ATRX: variants seen among roughly 807,000 people sequenced by gnomAD.
The protein encoded by ATRX is chromatin remodeler ATRX.
ATRX carries 12 observed loss-of-function variants against 172.6 expected under a neutral mutation model. The ratio of observed to expected loss-of-function variants is 0.07; its 90% CI spans 0.04 to 0.11. ATRX has a LOEUF of 0.11. Ranked by LOEUF, ATRX falls within the 10% of genes least tolerant of loss-of-function variation. The pLI, the probability that ATRX is intolerant of heterozygous loss-of-function variation, is 1.00. For synonymous variants in ATRX, 674 were observed against 594.7 expected, an observed-to-expected ratio of 1.13 and a Z score of -1.94; for missense variants, 1,368 against 1,767.4, an observed-to-expected ratio of 0.77 and a Z score of 4.05.
intron 22 of ATRX, among the ~76,000 whole-genome samples, chrX:77,612,742 T>C (rs1308489473): frequency 9.0e-6 from 1 of 111,346 alleles, no homozygotes; most frequent in Non-Finnish European, 1.9e-5. Flanking sequence ...CCATTAACAG[T>C]AACTTCCCAT....
At chrX:77,643,311 C>T (rs2148397938) in intron 15 of ATRX, among the ~76,000 whole-genome samples, 1 of 110,525 alleles carries the variant, frequency 9.0e-6, no homozygotes, top group African/African-American at 3.3e-5. Context: ...GACTACAGGC[C>T]TGGGGCAAGG....
intron 28 of ATRX, among the ~76,000 whole-genome samples, chrX:77,567,593 A>G (rs782368690): frequency 9.0e-6 from 1 of 110,916 alleles, no homozygotes; most frequent in African/African-American, 3.3e-5. Context: ...ACTGAAGGAG[A>G]AACAGAAAAA....
intron 30 of ATRX, among the ~76,000 whole-genome samples, chrX:77,532,652 T>A (rs1355724692): frequency 8.9e-6 from 1 of 111,786 alleles, no homozygotes; most frequent in Non-Finnish European, 1.9e-5. Context: ...TCAAGATGGA[T>A]TACAGACTGA....
intron 19 of ATRX, 123 bp downstream of exon 19, chrX:77,633,084 A>G (rs1557106347): frequency 2.7e-6 from 2 of 742,543 alleles, no homozygotes; most frequent in Non-Finnish European, 4.1e-6. Context: ...AAAAGGCAAA[A>G]ACCTGAAGGA....
At chrX:77,582,000 C>CA (rs1223976285) in intron 27 of ATRX, among the ~76,000 whole-genome samples, 4 of 111,333 alleles carry the variant, frequency 3.6e-5, no homozygotes, top group African/African-American at 1.3e-4. Context: ...CACAACATAC[C>CA]AAAAAACATA....
chrX:77,566,717 T>C (rs2065211685), intron 28 of ATRX, among the ~76,000 whole-genome samples: 2 of 111,064 alleles, frequency 1.8e-5, no homozygotes, highest in Non-Finnish European at 3.8e-5. Context: ...TGCACCACTG[T>C]ATGCCAGCCT....
At chrX:77,629,853 G>A (rs1041158291) in intron 19 of ATRX, among the ~76,000 whole-genome samples, 2 of 111,989 alleles carry the variant, frequency 1.8e-5, no homozygotes, top group African/African-American at 6.5e-5. Flanking sequence ...TTTCTAAGAA[G>A]GGCAATTAGG....
chrX:77,656,440 A>G (rs1303194822), intron 13 of ATRX, 120 bp downstream of exon 13: 6 of 547,547 alleles, frequency 1.1e-5, no homozygotes, highest in Non-Finnish European at 1.9e-5. Context: ...ATTAGTTTCA[A>G]ATCAAAATAT....
intron 2 of ATRX, among the ~76,000 whole-genome samples, chrX:77,710,859 G>T (rs909254125): frequency 3.7e-5 from 4 of 109,465 alleles, no homozygotes; most frequent in African/African-American, 1.0e-4. Context: ...CTGTGTTGAT[G>T]AACTATTCTG....
At chrX:77,510,789 G>C (rs2062842779) in intron 34 of ATRX, among the ~76,000 whole-genome samples, 1 of 112,225 alleles carries the variant, frequency 8.9e-6, no homozygotes, top group Non-Finnish European at 1.9e-5. Flanking sequence ...TAGAGCTCCA[G>C]GCAGATTCCT....
intron 2 of ATRX, among the ~76,000 whole-genome samples, chrX:77,715,015 G>A (rs899589615): frequency 4.5e-5 from 5 of 111,607 alleles, no homozygotes; most frequent in Non-Finnish European, 7.5e-5. Flanking sequence ...TCTCATTTCA[G>A]AAAACTTGTA....
intron 16 of ATRX, 86 bp downstream of exon 16, chrX:77,635,829 T>A: frequency 1.2e-5 from 11 of 906,899 alleles, no homozygotes; most frequent in Non-Finnish European, 1.5e-5. Flanking sequence ...CCTCCAGGAC[T>A]TAGCAGGATG....
chrX:77,613,107 A>C (rs548619786), intron 22 of ATRX, among the ~76,000 whole-genome samples: 1 of 110,876 alleles, frequency 9.0e-6, no homozygotes, highest in East Asian at 2.9e-4. Context: ...TTCTGGGTAT[A>C]CCTATAAGTG....
chrX:77,696,689 T>C lies in ATRX; in HGVS notation c.258A>G (p.Val86=). The part of the protein sequence containing the change: ...SSRSKRKPSI[V]TKYVESDDEK... ...CATCATCTGATTCTACATACTTTGT[T>C]ACAATTGAAGGTTTCCTATGAAAGA... The change falls in exon 5 of 35, where the codon GTA becomes GTG. Residue 86 remains valine, a synonymous_variant. Transcript: ENST00000373344. The C allele has an allele frequency of 8.3e-7, 1 of 1,199,467 alleles. No homozygotes were observed. Among genetic ancestry groups the C allele is most frequent in the Middle Eastern group, 2.3e-4 (1 of 4,257 alleles).
At chrX:77,697,668 A>G (rs2072259436) in intron 3 of ATRX, 33 bp from the exon 4 acceptor site, 7 of 1,167,186 alleles carry the variant, frequency 6.0e-6, no homozygotes, top group Non-Finnish European at 7.0e-6. Flanking sequence ...AAAGTGAATA[A>G]AATTCTCGAA....
At chrX:77,521,317 G>T in intron 33 of ATRX, 86 bp downstream of exon 33, 1 of 718,528 alleles carries the variant, frequency 1.4e-6, no homozygotes, top group East Asian at 3.3e-5. Context: ...TTATAAGAAG[G>T]AACAATTAAA....
chrX:77,627,740 T>C (rs1602946385), intron 19 of ATRX, among the ~76,000 whole-genome samples: 1 of 106,243 alleles, frequency 9.4e-6, no homozygotes, highest in Admixed American at 1.0e-4. Flanking sequence ...GGCGGCACAC[T>C]CCTGTAGTCT....
chrX:77,572,736 GA>G (rs1258138022), intron 28 of ATRX, among the ~76,000 whole-genome samples: 3 of 111,403 alleles, frequency 2.7e-5, no homozygotes, highest in Admixed American at 9.6e-5. Flanking sequence ...GAAAAACACA[GA>G]ATATAAAAAT....
intron 8 of ATRX, 51 bp from the exon 9 acceptor site, chrX:77,684,644 A>AAG: frequency 9.1e-7 from 1 of 1,099,146 alleles, no homozygotes; most frequent in Non-Finnish European, 1.3e-6. Flanking sequence ...AGGAAACTGA[A>AAG]AAGATATGTA....
Sources: allele counts gnomAD v4.1 joint callset (sites outside exome capture counted in the v4.1 genomes callset), GRCh38; gene constraint gnomAD v4.1.1; transcripts MANE v1.5; gene names NCBI Gene and HGNC (gene_info 2026-07-23, HGNC 2026-07-21).